Variants in TMED2 observed in about 807,000 individuals in gnomAD.
TMED2 encodes the protein transmembrane emp24 domain-containing protein 2.
In TMED2, 3 loss-of-function variants were observed where a neutral mutation model predicts 17.5. That is an observed-to-expected ratio of 0.17 (90% CI 0.08 to 0.44). The LOEUF is 0.44. Ranked by LOEUF, TMED2 falls within the 20% of genes least tolerant of loss-of-function variation. The pLI is 0.99. For synonymous variants in TMED2, 95 were observed against 91.0 expected, an observed-to-expected ratio of 1.04 and a Z score of -0.25; for missense variants, 149 against 254.8, an observed-to-expected ratio of 0.58 and a Z score of 2.83.
chr12:123,591,934 A>C (rs1204011440), intron 3 of TMED2, among the ~76,000 whole-genome samples: 1 of 152,224 alleles, frequency 6.6e-6, no homozygotes. Context: ...TGGAGTAGGA[A>C]GTGAAGAGTG....
chr12:123,586,981 C>T, intron 2 of TMED2, 42 bp downstream of exon 2: 1 of 1,509,518 alleles, frequency 6.6e-7, no homozygotes, highest in Non-Finnish European at 8.9e-7. Context: ...ATTCCAAGAG[C>T]TAATTTTAGT....
chr12:123,587,761 A>G lies in TMED2; in HGVS notation c.373+822A>G. ...TTTTTTTCTCTTAAAAAACCCCTAC[A>G]ACTAATTGGATTGATATTTTTTTTG... On this transcript the variant is annotated intron_variant, in intron 2 of 3. Coordinates refer to ENST00000262225, the MANE Select transcript of TMED2 (RefSeq NM_006815.4). 3 of 713,056 alleles carry G rather than the reference A, an allele frequency of 4.2e-6. No homozygotes were observed. The South Asian group carries it at 6.1e-5, about 14-fold the overall frequency. 44.2% of individuals were successfully genotyped at this position (713,056 alleles called of 1,614,324 possible).
At chr12:123,594,277 G>C (rs930683247) in intron 3 of TMED2, among the ~76,000 whole-genome samples, 7 of 151,884 alleles carry the variant, frequency 4.6e-5, no homozygotes, top group African/African-American at 1.5e-4. Context: ...TGGGACTACA[G>C]GTGCCTGCCA....
intron 3 of TMED2, 70 bp from the exon 4 acceptor site, chr12:123,596,535 A>G (rs1418217743): frequency 1.0e-5 from 16 of 1,536,330 alleles, no homozygotes; most frequent in Non-Finnish European, 1.4e-5. Flanking sequence ...GAAGACTAAA[A>G]TATTTATGAT....
chr12:123,584,780 G>A lies in TMED2; in HGVS notation c.144G>A (p.Glu48=), dbSNP rs142186488. Residue 48 remains glutamate (E), a synonymous_variant, in exon 1 of 4, where the codon GAG becomes GAA. Coordinates refer to ENST00000262225, the MANE Select transcript of TMED2 (RefSeq NM_006815.4). ...GCACCAAGATGGGCCTCATCTTCGA[G>A]GTGGCGGAGGGCGGCTTCCTGGACA... is the stretch of plus-strand genomic sequence containing the variant. ...TSGTKMGLIF[E]VAEGGFLDID... is the part of the protein sequence containing the mutation. The A allele has an allele frequency of 7.9e-4, 1,268 of 1,612,814 alleles. 14 individuals carry two copies. In the East Asian group the frequency reaches 0.018, roughly 23 times the overall value.
At position 123,584,660 on chromosome 12, in the gene TMED2, G is replaced by A. The variant is rs1179758172; in HGVS notation, c.24G>A (p.Leu8=). MVTLAEL[L]VLLAALLATV... is the part of the protein sequence containing the mutation. ...CCATGGTGACGCTTGCTGAACTGCT[G>A]GTGCTTCTGGCCGCTCTCCTGGCCA... Residue 8 remains leucine (L), a synonymous_variant, in exon 1 of 4, where the codon CTG becomes CTA. Coordinates refer to ENST00000262225, the MANE Select transcript of TMED2 (RefSeq NM_006815.4). 6.2e-7 allele frequency: 1 copy of A among 1,612,672 alleles called. No homozygotes were observed. Among genetic ancestry groups the A allele is most frequent in the Admixed American group, 1.7e-5 (1 of 60,018 alleles).
intron 3 of TMED2, among the ~76,000 whole-genome samples, chr12:123,594,301 AT>A (rs1219777505): frequency 1.3e-5 from 2 of 151,192 alleles, no homozygotes; most frequent in Admixed American, 6.6e-5. Context: ...CGCCTGGGTA[AT>A]TTTTTTTATT....
intron 2 of TMED2, among the ~76,000 whole-genome samples, chr12:123,588,187 G>GT (rs11342180): frequency 1.6e-3 from 237 of 148,474 alleles, no homozygotes; most frequent in South Asian, 7.8e-3. Context: ...ATTTGGTGGT[G>GT]TTTTTTTTTG....
intron 2 of TMED2, chr12:123,587,738 T>G (rs751130578): frequency 3.6e-5 from 38 of 1,051,402 alleles, no homozygotes; most frequent in Non-Finnish European, 4.6e-5. Flanking sequence ...TGAGAGTGTT[T>G]TTTTCTCTTA....
At chr12:123,589,389 C>T (rs1182961982) in intron 2 of TMED2, among the ~76,000 whole-genome samples, 7 of 152,158 alleles carry the variant, frequency 4.6e-5, no homozygotes, top group Non-Finnish European at 1.0e-4. Flanking sequence ...AGTTACATGA[C>T]TCTTAGACTT....
rs371057561 is a variant in TMED2 at position 123,588,989 on chromosome 12, C to G, written c.374-1353C>G. On this transcript the variant is annotated intron_variant, in intron 2 of 3. Transcript: ENST00000262225. ...GAAACTTGGGGTTGTCTGCGAGAAT[C>G]TGGAATCCCAGAAGAGACCCAGTCT... is the stretch of plus-strand genomic sequence containing the variant. Among the ~76,000 whole-genome samples the G allele has an allele frequency of 3.4e-4, 52 of 152,326 alleles. 1 individual carries two copies. In the South Asian group the frequency reaches 9.5e-3, roughly 28 times the overall value.
At chr12:123,589,799 C>G (rs980344374) in intron 2 of TMED2, among the ~76,000 whole-genome samples, 12 of 150,662 alleles carry the variant, frequency 8.0e-5, no homozygotes, top group African/African-American at 2.9e-4. Flanking sequence ...AAGAGATTGC[C>G]CCAGCCTAGG....
At chr12:123,595,932 G>C (rs1326424778) in intron 3 of TMED2, among the ~76,000 whole-genome samples, 2 of 152,160 alleles carry the variant, frequency 1.3e-5, no homozygotes, top group Non-Finnish European at 2.9e-5. Flanking sequence ...AGGAGGCTGA[G>C]GTGGCAGGAT....
chr12:123,584,951 G>T lies in TMED2; in HGVS notation c.180+135G>T, dbSNP rs1339814042. 5 of 1,103,468 alleles carry T rather than the reference G, an allele frequency of 4.5e-6. 1 individual carries two copies. The Admixed American group carries it at 1.4e-4, about 31-fold the overall frequency. 68.4% of individuals were successfully genotyped at this position (1,103,468 alleles called of 1,614,324 possible). A position where few individuals can be genotyped will look rare whatever the true frequency, so the allele number is the denominator to read the frequency against. On this transcript the variant is annotated intron_variant, in intron 1 of 3. Coordinates refer to ENST00000262225, the MANE Select transcript of TMED2 (RefSeq NM_006815.4). ...TCCGAGTCCTGGAGAAGCCCAGGCCGCCACCCCCCGCCCCGCCCCGGCCAC... is the reference window on the plus strand; with the variant it reads ...TCCGAGTCCTGGAGAAGCCCAGGCCTCCACCCCCCGCCCCGCCCCGGCCAC...
At chr12:123,591,315 A>G (rs1953390875) in intron 3 of TMED2, among the ~76,000 whole-genome samples, 1 of 152,164 alleles carries the variant, frequency 6.6e-6, no homozygotes, top group Non-Finnish European at 1.5e-5. Flanking sequence ...GATGATTGAA[A>G]TCTTGTGTTA....
At chr12:123,586,052 C>T (rs558633042) in intron 1 of TMED2, 14 of 152,276 alleles carry the variant, frequency 9.2e-5, no homozygotes, top group African/African-American at 2.4e-4. Context: ...AAGATGTCAA[C>T]CAGGGATGCA....
At chr12:123,587,542 A>G in intron 2 of TMED2, 7 of 1,189,462 alleles carry the variant, frequency 5.9e-6, no homozygotes, top group Non-Finnish European at 7.6e-6. Flanking sequence ...GCTCATTTGT[A>G]TACATGACTA....
At chr12:123,586,267 A>G (rs1255747151) in intron 1 of TMED2, 3 of 152,450 alleles carry the variant, frequency 2.0e-5, no homozygotes, top group African/African-American at 7.2e-5. Context: ...CTTATTTTAT[A>G]AAGTGGGAGA....
chr12:123,587,701 CT>C, intron 2 of TMED2: 1 of 1,218,968 alleles, frequency 8.2e-7, no homozygotes, highest in Non-Finnish European at 1.0e-6. Context: ...TTTCTGCTTT[CT>C]TTTTTCTAAC....
Sources: gnomAD v4.1 joint callset for allele counts (sites outside exome capture counted in the v4.1 genomes callset) on GRCh38, gnomAD v4.1.1 for gene constraint, MANE v1.5 for transcripts, NCBI Gene and HGNC (gene_info 2026-07-23, HGNC 2026-07-21) for gene names.